The following MBD5 variants were observed in gnomAD, a reference collection of about 807,000 sequenced individuals.
MBD5 encodes the protein methyl-CpG-binding domain protein 5.
In MBD5, 13 loss-of-function variants were observed where a neutral mutation model predicts 117.3. The ratio of observed to expected loss-of-function variants is 0.11; its 90% confidence interval spans 0.07 to 0.18. The LOEUF (loss-of-function observed/expected upper bound fraction) is 0.18. Ranked by LOEUF, MBD5 falls within the 10% of genes least tolerant of loss-of-function variation. The pLI, the probability that MBD5 is intolerant of heterozygous loss-of-function variation, is 1.00. For synonymous variants in MBD5, 727 were observed against 766.4 expected, an observed-to-expected ratio of 0.95 and a Z score of 0.85; for missense variants, 1,879 against 2,093.8, an observed-to-expected ratio of 0.90 and a Z score of 2.00.
At chr2:148,147,093 T>G (rs1470764322) in intron 1 of MBD5, among the ~76,000 whole-genome samples, 4 of 152,032 alleles carry the variant, frequency 2.6e-5, no homozygotes, top group African/African-American at 7.2e-5. Context: ...TGGCTTAACA[T>G]CTTTGTCTAA....
At chr2:148,193,106 A>G (rs1193032593) in intron 2 of MBD5, among the ~76,000 whole-genome samples, 1 of 101,092 alleles carries the variant, frequency 9.9e-6, no homozygotes, top group Non-Finnish European at 2.1e-5. Flanking sequence ...AAGGAAATAA[A>G]AGAGGACACA....
intron 4 of MBD5, among the ~76,000 whole-genome samples, chr2:148,361,708 A>G (rs1222118296): frequency 6.6e-6 from 1 of 152,240 alleles, no homozygotes; most frequent in Non-Finnish European, 1.5e-5. Flanking sequence ...TAATAAGAGC[A>G]TCAAAATGGT....
At chr2:148,244,080 A>C (rs564627994) in intron 3 of MBD5, 1 of 151,150 alleles carries the variant, frequency 6.6e-6, no homozygotes, top group African/African-American at 2.4e-5. Flanking sequence ...ATGTGAGCCT[A>C]TGTATGTATG....
chr2:148,290,122 A>T (rs778130325), intron 3 of MBD5, among the ~76,000 whole-genome samples: 1 of 147,238 alleles, frequency 6.8e-6, no homozygotes, highest in Non-Finnish European at 1.5e-5. Flanking sequence ...CGCCCAGCTA[A>T]TTTTTTTGTA....
At chr2:148,208,316 ATC>A (rs1347067335) in intron 2 of MBD5, among the ~76,000 whole-genome samples, 1 of 152,108 alleles carries the variant, frequency 6.6e-6, no homozygotes, top group Non-Finnish European at 1.5e-5. Flanking sequence ...CAGTGGCATG[ATC>A]TCAGCTCACT....
At chr2:148,065,858 A>C (rs1320756473) in intron 1 of MBD5, among the ~76,000 whole-genome samples, 2 of 152,238 alleles carry the variant, frequency 1.3e-5, no homozygotes, top group Non-Finnish European at 2.9e-5. Context: ...AAAGCTAAAA[A>C]GATGAACTCA....
intron 2 of MBD5, among the ~76,000 whole-genome samples, chr2:148,201,017 A>G (rs564560364): frequency 1.3e-5 from 2 of 152,314 alleles, no homozygotes; most frequent in East Asian, 3.9e-4. Flanking sequence ...ATTATTCTAG[A>G]GATGCAGTAT....
At chr2:148,241,641 C>T (rs565262057) in intron 3 of MBD5, among the ~76,000 whole-genome samples, 1 of 152,218 alleles carries the variant, frequency 6.6e-6, no homozygotes, top group Admixed American at 6.5e-5. Flanking sequence ...TTCTCTCAAC[C>T]CTGAATTCTG....
chr2:148,162,336 T>C (rs1239787557), intron 1 of MBD5, among the ~76,000 whole-genome samples: 1 of 152,216 alleles, frequency 6.6e-6, no homozygotes, highest in Non-Finnish European at 1.5e-5. Flanking sequence ...ATAACTTATC[T>C]TCACTCATTC....
At chr2:148,022,994 T>C (rs1268518854) in intron 1 of MBD5, among the ~76,000 whole-genome samples, 2 of 152,194 alleles carry the variant, frequency 1.3e-5, no homozygotes, top group Non-Finnish European at 2.9e-5. Context: ...GTTATTTTGT[T>C]TCATATATAC....
intron 4 of MBD5, among the ~76,000 whole-genome samples, chr2:148,437,499 A>G (rs1047497831): frequency 6.6e-6 from 1 of 152,154 alleles, no homozygotes; most frequent in African/African-American, 2.4e-5. Flanking sequence ...GAAAGTTACT[A>G]TCTCAAAAGA....
At chr2:148,225,365 T>C (rs1699795370) in intron 2 of MBD5, among the ~76,000 whole-genome samples, 2 of 152,348 alleles carry the variant, frequency 1.3e-5, no homozygotes, top group Admixed American at 1.3e-4. Context: ...CCTGTTTTTT[T>C]GACTTTCTGT....
chr2:148,031,271 A>G (rs1480700983), intron 1 of MBD5, among the ~76,000 whole-genome samples: 5 of 152,186 alleles, frequency 3.3e-5, no homozygotes, highest in African/African-American at 1.2e-4. Flanking sequence ...TGACTGAAAC[A>G]TGTACTTGAA....
intron 4 of MBD5, among the ~76,000 whole-genome samples, chr2:148,363,342 C>T (rs1703597226): frequency 6.6e-6 from 1 of 152,176 alleles, no homozygotes; most frequent in Non-Finnish European, 1.5e-5. Flanking sequence ...ACACCATTCT[C>T]CTGCCTCAGC....
intron 1 of MBD5, among the ~76,000 whole-genome samples, chr2:148,040,240 C>G (rs1164637279): frequency 6.6e-6 from 1 of 151,988 alleles, no homozygotes; most frequent in Non-Finnish European, 1.5e-5. Flanking sequence ...GTGGCACGAG[C>G]CTGTAGTCCC....
intron 3 of MBD5, among the ~76,000 whole-genome samples, chr2:148,259,275 G>A (rs1397438411): frequency 6.6e-6 from 1 of 152,206 alleles, no homozygotes; most frequent in Non-Finnish European, 1.5e-5. Context: ...GAGACTGGAA[G>A]TGTAGTTCTT....
At chr2:148,256,358 C>T (rs535220024) in intron 3 of MBD5, among the ~76,000 whole-genome samples, 1 of 152,338 alleles carries the variant, frequency 6.6e-6, no homozygotes, top group Admixed American at 6.5e-5. Flanking sequence ...AGGCATCTGC[C>T]TCATCATTGC....
intron 2 of MBD5, among the ~76,000 whole-genome samples, chr2:148,184,040 G>C (rs946852747): frequency 4.7e-5 from 3 of 64,286 alleles, no homozygotes; most frequent in African/African-American, 1.7e-4. Flanking sequence ...TTTTTTTTTT[G>C]AGACCTTCTG....
In MBD5 at chr2:148,276,066, C is replaced by T. The variant is rs919459701; in HGVS notation, c.-680+42671C>T. ...GTAGCTCATGTCTGTATTCCCAGCA[C>T]TTTGGGAGTCCGAGACAGGAGGATC... On this transcript the variant is annotated intron_variant, in intron 3 of 13. Transcript: ENST00000642680. Among the ~76,000 whole-genome samples, 5 of 152,106 alleles carry T rather than the reference C, an allele frequency of 3.3e-5. No individual in the cohort carries two copies. The South Asian group carries it at 1.0e-3, about 32-fold the overall frequency.
Sources: allele counts gnomAD v4.1 joint callset (sites outside exome capture counted in the v4.1 genomes callset), GRCh38; gene constraint gnomAD v4.1.1; transcripts MANE v1.5; gene names NCBI Gene and HGNC (gene_info 2026-07-23, HGNC 2026-07-21).